The following IQCH variants were observed in gnomAD, a reference collection of about 807,000 sequenced individuals.
The protein encoded by IQCH is IQ motif containing H, also known as IQ domain-containing protein H.
Under a neutral mutation model 117.0 loss-of-function variants are expected in IQCH, and 98 were observed. That is an observed-to-expected ratio of 0.84 (90% CI 0.71 to 0.99). IQCH has a LOEUF of 0.99. IQCH is among the 50% of genes least tolerant of loss of function. IQCH has a pLI of 0.00. For synonymous variants in IQCH, 412 were observed against 448.2 expected (o/e 0.92, Z 1.02); for missense variants, 1,102 against 1,243.8 (o/e 0.89, Z 1.72).
At chr15:67,305,078 T>C (rs1015541981) in intron 4 of IQCH, among the ~76,000 whole-genome samples, 3 of 152,102 alleles carry the variant, frequency 2.0e-5, no homozygotes, top group Non-Finnish European at 1.5e-5. Context: ...AGAGTAGTGC[T>C]TCATTTTAGC....
chr15:67,342,359 T>TA lies in IQCH; in HGVS notation c.509-1703dup, dbSNP rs1464032996. On this transcript the variant is annotated intron_variant, in intron 5 of 20. Transcript: ENST00000335894. The surrounding 1 kb of genome is among the most constrained non-coding windows in gnomAD (Gnocchi z 4.7). ...AGATTCCAGCATTTCAATGAAAAGA[T>TA]ACTCAGTAATCTCTTCTGCTTGTTC... is the stretch of plus-strand genomic sequence containing the variant. 6.6e-5 allele frequency among the ~76,000 whole-genome samples: 10 copies of TA among 152,142 alleles called. No individual in the cohort carries two copies. Among genetic ancestry groups the TA allele is most frequent in the Non-Finnish European group, 1.0e-4 (7 of 68,028 alleles).
At chr15:67,410,862 G>A (rs901326692) in intron 14 of IQCH, among the ~76,000 whole-genome samples, 1 of 152,174 alleles carries the variant, frequency 6.6e-6, no homozygotes, top group African/African-American at 2.4e-5. Flanking sequence ...CTGAGCACTT[G>A]TGCCTTGATG....
chr15:67,361,434 C>T (rs1567127042), intron 8 of IQCH, among the ~76,000 whole-genome samples: 1 of 152,194 alleles, frequency 6.6e-6, no homozygotes, highest in Non-Finnish European at 1.5e-5. Flanking sequence ...ACATACAAAA[C>T]TGGACTATGT....
In IQCH at chr15:67,445,976, T is replaced by C. The variant is rs993806915; in HGVS notation, c.2506-19151T>C. On this transcript the variant is annotated intron_variant, in intron 16 of 20. Coordinates refer to ENST00000335894, the MANE Select transcript of IQCH (RefSeq NM_001031715.3). This position sits in a 1 kb window ranked among gnomAD's most constrained non-coding sequence, Gnocchi z 4.3. ...GTTCCCCTGCAGCTTTTCCCCAGAA[T>C]TGGAGGGACCGTGTTTCAAATGCCA... 6.6e-6 allele frequency among the ~76,000 whole-genome samples: 1 copy of C among 152,178 alleles called. No homozygotes were observed. The highest frequency in any genetic ancestry group is 1.5e-5 in the Non-Finnish European group (1 of 68,038).
In IQCH at chr15:67,496,392, T is replaced by C. The variant is rs537875086; in HGVS notation, c.2970+2026T>C. ...ATAGAAGGTAACTTCCTCAACCTTA[T>C]AAGGACATCTACCAAAAAACCCACA... On this transcript the variant is annotated intron_variant, in intron 20 of 20. Coordinates refer to ENST00000335894, the MANE Select transcript of IQCH (RefSeq NM_001031715.3). The surrounding 1 kb of genome is among the most constrained non-coding windows in gnomAD (Gnocchi z 4.4). Among the ~76,000 whole-genome samples the C allele has an allele frequency of 6.6e-6, 1 of 152,188 alleles. No individual in the cohort carries two copies. Among genetic ancestry groups the C allele is most frequent in the Non-Finnish European group, 1.5e-5 (1 of 68,016 alleles).
At chr15:67,483,801 G>A (rs2083401873) in intron 18 of IQCH, among the ~76,000 whole-genome samples, 1 of 152,168 alleles carries the variant, frequency 6.6e-6, no homozygotes, top group Non-Finnish European at 1.5e-5. Flanking sequence ...AAATTTGTGT[G>A]TGGATGCCGT....
intron 7 of IQCH, among the ~76,000 whole-genome samples, chr15:67,357,840 A>G (rs1298496681): frequency 6.9e-6 from 1 of 145,358 alleles, no homozygotes; most frequent in African/African-American, 2.6e-5. Context: ...CAGGGGAAAG[A>G]ATTCTGTATT....
intron 16 of IQCH, among the ~76,000 whole-genome samples, chr15:67,464,063 A>AG (rs1302260526): frequency 1.3e-5 from 2 of 152,130 alleles, no homozygotes; most frequent in East Asian, 3.9e-4. Context: ...GGCTGGTCTC[A>AG]GGTGATCCTC....
Position 67,430,122 on chromosome 15 carries a change from TG to T in IQCH, c.2505+8547del, listed in dbSNP as rs1015008402. On this transcript the variant is annotated intron_variant, in intron 16 of 20. Coordinates refer to ENST00000335894, the MANE Select transcript of IQCH (RefSeq NM_001031715.3). This position sits in a 1 kb window ranked among gnomAD's most constrained non-coding sequence, Gnocchi z 5.1. ...CTTCAGAGATGGCACGCAGAGTACA[TG>T]GCACTCCAGAATACACAGAGCTACA... Among the ~76,000 whole-genome samples the T allele has an allele frequency of 6.6e-6, 1 of 152,068 alleles. No individual in the cohort carries two copies. The highest frequency in any genetic ancestry group is 6.6e-5 in the Admixed American group (1 of 15,266).
At chr15:67,412,230 G>A (rs1356579325) in intron 14 of IQCH, among the ~76,000 whole-genome samples, 2 of 152,078 alleles carry the variant, frequency 1.3e-5, no homozygotes, top group East Asian at 3.9e-4. Context: ...TTATCAACAA[G>A]GTATATATTT....
intron 4 of IQCH, among the ~76,000 whole-genome samples, chr15:67,301,430 A>ATTTTT (rs1967033817): frequency 8.2e-6 from 1 of 122,196 alleles, no homozygotes; most frequent in Non-Finnish European, 1.7e-5. Flanking sequence ...TTTTTTTTGA[A>ATTTTT]ACCGAGTCTC....
At position 67,481,999 on chromosome 15, in the gene IQCH, C is replaced by T. The variant is rs1008828719; in HGVS notation, c.2799+6181C>T. On this transcript the variant is annotated intron_variant, in intron 18 of 20. Transcript: ENST00000335894. The surrounding 1 kb of genome is among the most constrained non-coding windows in gnomAD (Gnocchi z 4.1). The stretch of plus-strand genomic sequence containing the variant: ...GCTCACGAGGTTGAGGCAGGAGGAC[C>T]GCTCACTTGAGGCCAGGAGTTCAAG... 1.4e-4 allele frequency among the ~76,000 whole-genome samples: 22 copies of T among 152,240 alleles called. No individual in the cohort carries two copies. The highest frequency in any genetic ancestry group is 9.2e-4 in the Admixed American group (14 of 15,290).
chr15:67,429,981 A>C (rs1256711620), intron 16 of IQCH, among the ~76,000 whole-genome samples: 1 of 152,182 alleles, frequency 6.6e-6, no homozygotes, highest in Non-Finnish European at 1.5e-5. Flanking sequence ...TTTGTAATCA[A>C]GGAAGAAGGG....
intron 17 of IQCH, among the ~76,000 whole-genome samples, chr15:67,471,345 GAA>G (rs2083066962): frequency 6.6e-6 from 1 of 152,092 alleles, no homozygotes; most frequent in Non-Finnish European, 1.5e-5. Context: ...TACAGCATCA[GAA>G]GAGACTAGTT....
intron 16 of IQCH, among the ~76,000 whole-genome samples, chr15:67,452,125 C>G (rs1453763388): frequency 6.6e-6 from 1 of 152,100 alleles, no homozygotes; most frequent in Non-Finnish European, 1.5e-5. Flanking sequence ...TGTGCCTGCA[C>G]GTGAGATGGG....
chr15:67,263,878 C>A (rs1301547168), intron 3 of IQCH, among the ~76,000 whole-genome samples: 1 of 152,208 alleles, frequency 6.6e-6, no homozygotes, highest in Non-Finnish European at 1.5e-5. Context: ...CTTGCCTTAT[C>A]TTTGGACTTT....
intron 4 of IQCH, among the ~76,000 whole-genome samples, chr15:67,290,119 C>T (rs879175933): frequency 6.6e-6 from 1 of 151,898 alleles, no homozygotes; most frequent in East Asian, 1.9e-4. Flanking sequence ...TTATTTGGTC[C>T]ACGTCATAAT....
rs1195271471 is a variant in IQCH, at chr15:67,372,162, G to A, written c.805G>A (p.Asp269Asn). ...LRALKSLWDY[D>N]FLIYDGVIDN... ...AGCCCTGAAATCACTGTGGGATTAT[G>A]ACTTTTTAATTTATGATGGTGTCAT... Residue 269 changes from aspartate (D) to asparagine (N), a missense_variant, in exon 9 of 21, where the codon GAC becomes AAC. By Grantham distance (23) the Asp-to-Asn change is conservative. Transcript: ENST00000335894. 1 of 1,613,734 alleles carries A rather than the reference G, an allele frequency of 6.2e-7. No homozygotes were observed. Among genetic ancestry groups the A allele is most frequent in the South Asian group, 1.1e-5 (1 of 90,984 alleles).
At chr15:67,327,234 C>CT (rs951350479) in intron 4 of IQCH, among the ~76,000 whole-genome samples, 9 of 152,076 alleles carry the variant, frequency 5.9e-5, no homozygotes, top group African/African-American at 1.9e-4. Context: ...AATATGATTT[C>CT]TTTTTTCAAT....
Sources: gnomAD v4.1 joint callset for allele counts (sites outside exome capture counted in the v4.1 genomes callset) on GRCh38, gnomAD v4.1.1 for gene constraint, Gnocchi (gnomAD v3.1) non-coding constraint, MANE v1.5 for transcripts, NCBI Gene and HGNC (gene_info 2026-07-23, HGNC 2026-07-21) for gene names.